The following ANKRD30BL variants were observed in gnomAD, a reference collection of about 807,000 sequenced individuals.
ANKRD30BL encodes ankyrin repeat domain 30B like.
ANKRD30BL carries 20 observed loss-of-function variants against 18.4 expected under a neutral mutation model. That is an observed-to-expected ratio of 1.09 (90% CI 0.77 to 1.58). The LOEUF (loss-of-function observed/expected upper bound fraction) is 1.58, where lower values mean the gene tolerates loss of function less well. Ranked by LOEUF, ANKRD30BL falls within the 40% of genes most tolerant of loss-of-function variation. The probability of loss-of-function intolerance (pLI) is 0.00; values close to 1 mark genes in which losing one functional copy is unlikely to be tolerated. For missense variants in ANKRD30BL, 224 were observed against 268.6 expected, an observed-to-expected ratio of 0.83 and a Z score of 1.16; for synonymous variants, 72 against 100.9, an observed-to-expected ratio of 0.71 and a Z score of 1.72.
In ANKRD30BL at chr2:132,175,123, A is replaced by G. The variant is rs181082009; in HGVS notation, n.442-17977T>C. ...CACAGAGTCAAAGTATAGAGAAAGA[A>G]AAGTGGGCCCAGGGGACTGGCGCTC... On this transcript the variant is annotated intron_variant and non_coding_transcript_variant, in intron 1 of 4. Coordinates refer to the ANKRD30BL transcript ENST00000470729. Among the ~76,000 whole-genome samples, 526 of 152,308 alleles carry G rather than the reference A, an allele frequency of 3.5e-3. 5 individuals are homozygous for G. Among genetic ancestry groups the G allele is most frequent in the African/African-American group, 0.012 (487 of 41,562 alleles).
At chr2:132,175,228 G>T (rs1688342180) in intron 1 of ANKRD30BL, among the ~76,000 whole-genome samples, 1 of 151,688 alleles carries the variant, frequency 6.6e-6, no homozygotes. Flanking sequence ...TCAGCAAGAG[G>T]AATGCAGTAG....
intron 1 of ANKRD30BL, among the ~76,000 whole-genome samples, chr2:132,181,341 G>A (rs1320328203): frequency 6.6e-6 from 1 of 152,034 alleles, no homozygotes; most frequent in South Asian, 2.1e-4. Context: ...GGGCGTGGTG[G>A]TGGGTGCCTG....
chr2:132,246,092 G>T lies in ANKRD30BL; in HGVS notation n.441+11437C>A, dbSNP rs1372918601. Among the ~76,000 whole-genome samples the T allele has an allele frequency of 2.0e-5, 3 of 149,942 alleles. No individual in the cohort carries two copies. The East Asian group carries it at 5.9e-4, about 30-fold the overall frequency. On this transcript the variant is annotated intron_variant and non_coding_transcript_variant, in intron 1 of 4. Transcript: ENST00000470729. Reference sequence around the variant, plus strand: ...TATAGAATCTGCAAGTTGATATTTGGATAGATTGACGCTTTCCTTGGAAAC... The same window carrying T: ...TATAGAATCTGCAAGTTGATATTTGTATAGATTGACGCTTTCCTTGGAAAC...
intron 1 of ANKRD30BL, among the ~76,000 whole-genome samples, chr2:132,227,284 C>T (rs1168862253): frequency 6.6e-6 from 1 of 152,002 alleles, no homozygotes; most frequent in African/African-American, 2.4e-5. Context: ...TTGAAACTTT[C>T]TTTTGATAGA....
intron 1 of ANKRD30BL, among the ~76,000 whole-genome samples, chr2:132,205,497 A>G (rs1679193634): frequency 6.6e-6 from 1 of 151,886 alleles, no homozygotes; most frequent in Non-Finnish European, 1.5e-5. Context: ...GCTACTCGGG[A>G]GGCTGAGGCA....
At chr2:132,218,113 A>G (rs1007800844) in intron 1 of ANKRD30BL, among the ~76,000 whole-genome samples, 5 of 151,976 alleles carry the variant, frequency 3.3e-5, no homozygotes, top group African/African-American at 1.2e-4. Context: ...GGAAACGGGT[A>G]TATCTTCACA....
intron 1 of ANKRD30BL, among the ~76,000 whole-genome samples, chr2:132,194,123 C>A (rs1293545171): frequency 6.6e-6 from 1 of 152,116 alleles, no homozygotes; most frequent in Non-Finnish European, 1.5e-5. Flanking sequence ...CTCTCTATTT[C>A]TCTCCCCCTC....
chr2:132,213,451 G>C (rs1228256765), intron 1 of ANKRD30BL, among the ~76,000 whole-genome samples: 1 of 151,844 alleles, frequency 6.6e-6, no homozygotes, highest in Non-Finnish European at 1.5e-5. Context: ...TGTGCTTTGA[G>C]GCATATGGTG....
At chr2:132,170,411 C>A (rs970981403) in intron 1 of ANKRD30BL, among the ~76,000 whole-genome samples, 1 of 152,200 alleles carries the variant, frequency 6.6e-6, no homozygotes, top group Non-Finnish European at 1.5e-5. Flanking sequence ...CGTCCTGGAA[C>A]AGAAGAGGCC....
intron 1 of ANKRD30BL, among the ~76,000 whole-genome samples, chr2:132,192,584 A>G (rs1227549602): frequency 6.6e-6 from 1 of 152,252 alleles, no homozygotes; most frequent in African/African-American, 2.4e-5. Flanking sequence ...ATGAGGTGGA[A>G]ATAGTAAATA....
chr2:132,219,862 T>A (rs1209542723), intron 1 of ANKRD30BL, among the ~76,000 whole-genome samples: 1 of 152,168 alleles, frequency 6.6e-6, no homozygotes, highest in Non-Finnish European at 1.5e-5. Flanking sequence ...TCTCAGAAAC[T>A]TCTTTGTGAT....
At chr2:132,171,086 C>G (rs1213145037) in intron 1 of ANKRD30BL, among the ~76,000 whole-genome samples, 1 of 149,646 alleles carries the variant, frequency 6.7e-6, no homozygotes, top group Non-Finnish European at 1.5e-5. Context: ...AACCCGGAGG[C>G]GGAGCCTGCA....
At chr2:132,181,015 C>T (rs1338729241) in intron 1 of ANKRD30BL, among the ~76,000 whole-genome samples, 9 of 151,580 alleles carry the variant, frequency 5.9e-5, no homozygotes, top group East Asian at 1.9e-4. Flanking sequence ...GGCGTGGTGG[C>T]GGGCTGTAGT....
At position 132,196,444 on chromosome 2, in the gene ANKRD30BL, T is replaced by TG. The variant is rs201775650; in HGVS notation, n.442-39299dup. ...TGACCGGGGCAACAGAGTAAGACTCTGGGGGAAAAAAAAAGTAGGCAAAAA... is the reference window on the plus strand; with the variant it reads ...TGACCGGGGCAACAGAGTAAGACTCTGGGGGGAAAAAAAAAGTAGGCAAAAA... On this transcript the variant is annotated intron_variant and non_coding_transcript_variant, in intron 1 of 4. Coordinates refer to the ANKRD30BL transcript ENST00000470729. 1.1e-4 allele frequency among the ~76,000 whole-genome samples: 16 copies of TG among 141,788 alleles called. No individual in the cohort carries two copies. The South Asian group carries it at 3.0e-3, about 27-fold the overall frequency. The allele number at this position is 141,788 out of a possible 152,430, so 93.0% of individuals were successfully genotyped here.
chr2:132,217,624 G>T (rs1312180388), intron 1 of ANKRD30BL, among the ~76,000 whole-genome samples: 1 of 152,246 alleles, frequency 6.6e-6, no homozygotes, highest in South Asian at 2.1e-4. Flanking sequence ...TCACTAGATA[G>T]AAGTTTTCTC....
intron 1 of ANKRD30BL, among the ~76,000 whole-genome samples, chr2:132,250,162 T>A (rs572225193): frequency 2.6e-5 from 4 of 152,300 alleles, no homozygotes; most frequent in African/African-American, 9.6e-5. Context: ...TGAAGCTATT[T>A]CCTTTTTCAC....
chr2:132,242,508 G>A (rs1005926075), intron 1 of ANKRD30BL, among the ~76,000 whole-genome samples: 5 of 151,094 alleles, frequency 3.3e-5, no homozygotes, highest in African/African-American at 1.2e-4. Flanking sequence ...CATTTGGAGC[G>A]CTTTGTGGCC....
chr2:132,149,474 T>G (rs559777348), intron 5 of ANKRD30BL, among the ~76,000 whole-genome samples: 112 of 152,334 alleles, frequency 7.4e-4, no homozygotes, highest in Middle Eastern at 6.8e-3. Flanking sequence ...TAACCTGTAC[T>G]TCTCAACAAA....
chr2:132,160,557 G>T (rs1688028150), intron 1 of ANKRD30BL, among the ~76,000 whole-genome samples: 1 of 151,612 alleles, frequency 6.6e-6, no homozygotes, highest in African/African-American at 2.4e-5. Context: ...TCCTGACTCA[G>T]CCTCCCAAGT....
Sources: allele counts gnomAD v4.1 joint callset (sites outside exome capture counted in the v4.1 genomes callset), GRCh38; gene constraint gnomAD v4.1.1; transcripts MANE v1.5; gene names NCBI Gene and HGNC (gene_info 2026-07-23, HGNC 2026-07-21).